Variants in CERS6 observed in about 807,000 individuals in gnomAD.
The protein encoded by CERS6 is LAG1 homolog, ceramide synthase 6.
Under a neutral mutation model 56.8 loss-of-function variants are expected in CERS6, and 26 were observed. The ratio of observed to expected loss-of-function variants is 0.46; its 90% confidence interval spans 0.34 to 0.63. The LOEUF is 0.63. Among genes scored for constraint, CERS6 ranks in the 30% least tolerant of loss-of-function variants. The pLI is 0.01. For missense variants in CERS6, 415 were observed against 467.5 expected, an observed-to-expected ratio of 0.89 and a Z score of 1.04; for synonymous variants, 164 against 173.3, an observed-to-expected ratio of 0.95 and a Z score of 0.42.
chr2:168,570,134 G>A (rs937717968), intron 3 of CERS6, among the ~76,000 whole-genome samples: 1 of 152,178 alleles, frequency 6.6e-6, no homozygotes, highest in East Asian at 1.9e-4. Context: ...AAGATGCAAG[G>A]AGAGCAGATT....
chr2:168,505,382 CAAAAAAAAA>C (rs370477008), intron 1 of CERS6, among the ~76,000 whole-genome samples: 14 of 96,382 alleles, frequency 1.5e-4, no homozygotes, highest in African/African-American at 4.4e-4. Flanking sequence ...ACCCTGTTTC[CAAAAAAAAA>C]AAAAAAAAAA....
chr2:168,574,808 G>A (rs995836474), intron 3 of CERS6, among the ~76,000 whole-genome samples: 4 of 152,034 alleles, frequency 2.6e-5, no homozygotes, highest in East Asian at 1.9e-4. Flanking sequence ...GCCTTTTATC[G>A]GGGCTTTGTT....
At chr2:168,756,734 C>T (rs923763672) in intron 8 of CERS6, among the ~76,000 whole-genome samples, 2 of 151,996 alleles carry the variant, frequency 1.3e-5, no homozygotes, top group South Asian at 2.1e-4. Flanking sequence ...GGGTGAAGAA[C>T]GGAGAAAGGG....
intron 4 of CERS6, among the ~76,000 whole-genome samples, chr2:168,647,849 C>T (rs569794021): frequency 6.6e-6 from 1 of 152,152 alleles, no homozygotes; most frequent in East Asian, 1.9e-4. Flanking sequence ...CTTTGCATCC[C>T]GGGGATGAAG....
chr2:168,718,080 T>C (rs1053529911), intron 8 of CERS6, 102 bp downstream of exon 8: 3 of 776,870 alleles, frequency 3.9e-6, no homozygotes, highest in Non-Finnish European at 6.2e-6. Context: ...CAGGTTTAAA[T>C]ATATTGGGGG....
At chr2:168,490,918 A>C (rs1694359472) in intron 1 of CERS6, among the ~76,000 whole-genome samples, 1 of 152,218 alleles carries the variant, frequency 6.6e-6, no homozygotes, top group East Asian at 1.9e-4. Flanking sequence ...TGACACTTTG[A>C]CATCGGGCTA....
chr2:168,492,452 T>C (rs1256731491), intron 1 of CERS6, among the ~76,000 whole-genome samples: 1 of 152,240 alleles, frequency 6.6e-6, no homozygotes, highest in African/African-American at 2.4e-5. Context: ...TTTGCCCACT[T>C]TTTGATGGGG....
intron 1 of CERS6, among the ~76,000 whole-genome samples, chr2:168,464,177 TGTGTG>T (rs1693828948): frequency 1.0e-5 from 1 of 95,926 alleles, no homozygotes; most frequent in African/African-American, 4.2e-5. Flanking sequence ...ATACTTTTTG[TGTGTG>T]TGTGTGTGTG....
chr2:168,496,981 T>C (rs1445872282), intron 1 of CERS6, among the ~76,000 whole-genome samples: 1 of 152,208 alleles, frequency 6.6e-6, no homozygotes, highest in African/African-American at 2.4e-5. Context: ...AATATACCTG[T>C]CTCTAAAAGT....
intron 4 of CERS6, among the ~76,000 whole-genome samples, chr2:168,677,683 G>C (rs1355791399): frequency 1.3e-5 from 2 of 152,062 alleles, no homozygotes; most frequent in Non-Finnish European, 2.9e-5. Flanking sequence ...TTTTAGTAGA[G>C]ACAGGGTTTC....
intron 4 of CERS6, among the ~76,000 whole-genome samples, chr2:168,671,652 A>G (rs1416986674): frequency 4.6e-5 from 7 of 152,242 alleles, no homozygotes; most frequent in African/African-American, 1.4e-4. Context: ...GTAGCTACAT[A>G]TAATACAATC....
intron 4 of CERS6, among the ~76,000 whole-genome samples, chr2:168,631,701 T>G (rs1303828539): frequency 9.2e-6 from 1 of 109,134 alleles, no homozygotes; most frequent in Non-Finnish European, 1.7e-5. Flanking sequence ...ATATTTAATT[T>G]ATATTTATAT....
At chr2:168,631,834 A>ATT (rs1684751664) in intron 4 of CERS6, among the ~76,000 whole-genome samples, 1 of 131,780 alleles carries the variant, frequency 7.6e-6, no homozygotes, top group Non-Finnish European at 1.5e-5. Flanking sequence ...TATATAATAT[A>ATT]TATTATATAA....
chr2:168,518,117 T>G (rs187477225), intron 1 of CERS6, among the ~76,000 whole-genome samples: 170 of 152,352 alleles, frequency 1.1e-3, no homozygotes, highest in African/African-American at 4.0e-3. Context: ...TCACTTATTT[T>G]TCATTGGGAA....
At chr2:168,471,278 G>A (rs1240963552) in intron 1 of CERS6, among the ~76,000 whole-genome samples, 2 of 152,148 alleles carry the variant, frequency 1.3e-5, no homozygotes, top group Non-Finnish European at 2.9e-5. Flanking sequence ...CCTGAGCCCT[G>A]GTTACCAGAT....
At position 168,478,016 on chromosome 2, in the gene CERS6, T is replaced by C. The variant is rs889625375; in HGVS notation, c.170+21398T>C. 4.6e-5 allele frequency among the ~76,000 whole-genome samples: 7 copies of C among 152,284 alleles called. No homozygotes were observed. The East Asian group carries it at 1.3e-3, about 29-fold the overall frequency. ...TGTATACTGAGAATATTTGCTTATG[T>C]GCTTTGTCTTTTGACTTCATGATAT... is the stretch of plus-strand genomic sequence containing the variant. On this transcript the variant is annotated intron_variant, in intron 1 of 9. Transcript: ENST00000305747.
chr2:168,547,460 G>T, intron 1 of CERS6, 136 bp from the exon 2 acceptor site: 1 of 580,968 alleles, frequency 1.7e-6, no homozygotes, highest in Non-Finnish European at 3.1e-6. Context: ...ACTGACAGGA[G>T]TGTTGACAAT....
intron 2 of CERS6, among the ~76,000 whole-genome samples, chr2:168,556,198 A>G (rs969922228): frequency 2.6e-5 from 4 of 151,884 alleles, no homozygotes; most frequent in African/African-American, 9.6e-5. Context: ...ATGCCTGACA[A>G]AAATTTCAAT....
At chr2:168,622,399 C>A (rs1684493590) in intron 3 of CERS6, among the ~76,000 whole-genome samples, 1 of 152,198 alleles carries the variant, frequency 6.6e-6, no homozygotes, top group South Asian at 2.1e-4. Context: ...CTTCTCTGTT[C>A]TTTACTCTTC....
Sources: allele counts gnomAD v4.1 joint callset (sites outside exome capture counted in the v4.1 genomes callset), GRCh38; gene constraint gnomAD v4.1.1; transcripts MANE v1.5; gene names NCBI Gene and HGNC (gene_info 2026-07-23, HGNC 2026-07-21).